Variants in MAP1S observed in about 807,000 individuals in gnomAD.
MAP1S encodes microtubule associated protein 1S, also known as microtubule-associated protein 1S.
Under a neutral mutation model 60.9 loss-of-function variants are expected in MAP1S, and 27 were observed. That is an observed-to-expected ratio of 0.44 (90% CI 0.33 to 0.61). The LOEUF (loss-of-function observed/expected upper bound fraction) is 0.61, where lower values mean the gene tolerates loss of function less well. MAP1S is among the 20% of genes least tolerant of loss of function. The probability of loss-of-function intolerance (pLI) is 0.03; values close to 1 mark genes in which losing one functional copy is unlikely to be tolerated. For missense variants in MAP1S, 1,608 were observed against 1,486.6 expected, an observed-to-expected ratio of 1.08 and a Z score of -1.34; for synonymous variants, 826 against 694.2, an observed-to-expected ratio of 1.19 and a Z score of -2.98.
chr19:17,730,974 T>C (rs1326949295), intron 5 of MAP1S, among the ~76,000 whole-genome samples: 1 of 150,236 alleles, frequency 6.7e-6, no homozygotes, highest in Non-Finnish European at 1.5e-5. Flanking sequence ...CACTGCAACC[T>C]CCGCCTCCCG....
rs934832101 is a variant in MAP1S at position 17,730,470 on chromosome 19, C to T, written c.2788+2298C>T. ...CTGGGACTACACAGGTGCATGCCATCGTGCCTGGCCAATTGTTTAATGTTT... is the reference window on the plus strand; with the variant it reads ...CTGGGACTACACAGGTGCATGCCATTGTGCCTGGCCAATTGTTTAATGTTT... On this transcript the variant is annotated intron_variant, in intron 5 of 6. Coordinates refer to ENST00000324096, the MANE Select transcript of MAP1S (RefSeq NM_018174.6). Among the ~76,000 whole-genome samples the T allele has an allele frequency of 4.8e-4, 73 of 152,112 alleles. 1 individual carries two copies. The highest frequency in any genetic ancestry group is 1.6e-3 in the African/African-American group (67 of 41,402).
chr19:17,720,354 G>A (rs1322767834), intron 1 of MAP1S: 3 of 1,527,840 alleles, frequency 2.0e-6, no homozygotes, highest in African/African-American at 1.4e-5. Context: ...GTGAGCACCT[G>A]CTATGCGCCA....
In MAP1S at chr19:17,725,076, T is replaced by C. The variant is rs144706842; in HGVS notation, c.331T>C (p.Ser111Pro). 2.4e-4 allele frequency: 389 copies of C among 1,614,140 alleles called. 1 individual carries two copies. The African/African-American group carries it at 4.1e-3, about 17-fold the overall frequency. Residue 111 changes from serine to proline, a missense_variant, in exon 4 of 7, where the codon TCT becomes CCT. Transcript: ENST00000324096. This position sits in a 1 kb window ranked among gnomAD's most constrained non-coding sequence, Gnocchi z 4.2. ...ELRNLLLDPA[S>P]HKLLVLAGPC... ...CCGGAACCTTCTGTTGGACCCTGCCTCTCACAAGCTACTGGTGTTGGCTGG... is the reference window on the plus strand; with the variant it reads ...CCGGAACCTTCTGTTGGACCCTGCCCCTCACAAGCTACTGGTGTTGGCTGG...
rs2080406192 is a variant in MAP1S, at chr19:17,725,145, G to C, written c.400G>C (p.Gly134Arg). The C allele has an allele frequency of 6.2e-7, 1 of 1,613,964 alleles. No homozygotes were observed. The highest frequency in any genetic ancestry group is 1.1e-5 in the South Asian group (1 of 91,082). The change falls in exon 4 of 7, where the codon GGC (glycine) becomes CGC (arginine). Residue 134 changes from glycine to arginine, a missense_variant. Transcript: ENST00000324096. This position sits in a 1 kb window ranked among gnomAD's most constrained non-coding sequence, Gnocchi z 4.2. ...GGGGGAGCTGCTGCTACAGACAGGG[G>C]GCTTCTCGCCTCACCACTTCCTCCA... is the stretch of plus-strand genomic sequence containing the variant. Reference protein sequence around the residue: ...ETGELLLQTGGFSPHHFLQVL... With the variant: ...ETGELLLQTGRFSPHHFLQVL...
rs1161075665 is a variant in MAP1S, at chr19:17,726,187, G to A, written c.803G>A (p.Gly268Asp). The A allele has an allele frequency of 6.2e-7, 1 of 1,612,244 alleles. No individual in the cohort carries two copies. Among genetic ancestry groups the A allele is most frequent in the South Asian group, 1.1e-5 (1 of 90,678 alleles). ...VNGFTVLVNG[G>D]SNPKSSFWKL... ...GGCTTCACTGTGCTGGTCAACGGTG[G>A]CTCAAACCCCAAGTCCAGTTTCTGG... Residue 268 changes from glycine (G) to aspartate (D), a missense_variant, in exon 5 of 7, where the codon GGC becomes GAC. Gly to Asp is a moderately conservative substitution (Grantham distance 94). Transcript: ENST00000324096.
At chr19:17,730,681 C>G (rs1002537594) in intron 5 of MAP1S, among the ~76,000 whole-genome samples, 13 of 152,156 alleles carry the variant, frequency 8.5e-5, no homozygotes, top group Non-Finnish European at 1.6e-4. Context: ...TTAAATCATT[C>G]TGGACATTAA....
rs1177250056 is a variant in MAP1S, at chr19:17,727,999, G to A, written c.2615G>A (p.Arg872His). ...AAGCCCCTGGCCCGCCCCAACTCAC[G>A]CGCTGCCGCCCCCAAAGCCACTCCA... ...TRKPLARPNS[R>H]AAAPKATPVA... Residue 872 changes from arginine to histidine, a missense_variant, in exon 5 of 7, where the codon CGC becomes CAC. By Grantham distance (29) the Arg-to-His change is conservative (BLOSUM62 0). Coordinates refer to ENST00000324096, the MANE Select transcript of MAP1S (RefSeq NM_018174.6). The surrounding 1 kb of genome is among the most constrained non-coding windows in gnomAD (Gnocchi z 4.1). 3.7e-6 allele frequency: 6 copies of A among 1,610,918 alleles called. No homozygotes were observed. The African/African-American group carries it at 4.0e-5, about 11-fold the overall frequency.
Position 17,727,825 on chromosome 19 carries a change from A to C in MAP1S, c.2441A>C (p.Glu814Ala). ...GCGGCAGACTCAGACGAAGACACAG[A>C]GGGCTTTGGAGTCCCTCGCCACGAC... ...PGAADSDEDT[E>A]GFGVPRHDPL... The change falls in exon 5 of 7, where the codon GAG becomes GCG. Residue 814 changes from glutamate to alanine, a missense_variant. Transcript: ENST00000324096. This position sits in a 1 kb window ranked among gnomAD's most constrained non-coding sequence, Gnocchi z 4.1. The C allele has an allele frequency of 6.2e-7, 1 of 1,613,302 alleles. No homozygotes were observed. The highest frequency in any genetic ancestry group is 2.2e-5 in the East Asian group (1 of 44,848).
intron 6 of MAP1S, among the ~76,000 whole-genome samples, chr19:17,733,917 G>A (rs969138359): frequency 2.0e-5 from 3 of 152,230 alleles, no homozygotes; most frequent in East Asian, 1.9e-4. Flanking sequence ...TCCCTGTAGG[G>A]TGCACGACCC....
chr19:17,721,111 G>A (rs2080367094), intron 2 of MAP1S, 74 bp downstream of exon 2: 10 of 1,169,332 alleles, frequency 8.6e-6, no homozygotes, highest in Non-Finnish European at 1.3e-5. Flanking sequence ...GCCAGGCATG[G>A]GGGGTGGGAT....
rs757445237 is a variant in MAP1S, at chr19:17,725,932, C to G, written c.548C>G (p.Pro183Arg). The G allele has an allele frequency of 1.2e-6, 2 of 1,613,730 alleles. No homozygotes were observed. The highest frequency in any genetic ancestry group is 8.5e-7 in the Non-Finnish European group (1 of 1,179,934). The change falls in exon 5 of 7, where the codon CCT becomes CGT. Residue 183 changes from proline to arginine, a missense_variant. Transcript: ENST00000324096. The surrounding 1 kb of genome is among the most constrained non-coding windows in gnomAD (Gnocchi z 4.2). ...GDWAQLAPAV[P>R]GLQGALRLQL... The stretch of plus-strand genomic sequence containing the variant: ...TGGGCTCAGCTGGCACCCGCTGTGC[C>G]TGGCCTTCAGGGGGCGCTCCGGCTC...
chr19:17,729,385 G>T (rs2080473130), intron 5 of MAP1S, among the ~76,000 whole-genome samples: 1 of 152,212 alleles, frequency 6.6e-6, no homozygotes, highest in African/African-American at 2.4e-5. Flanking sequence ...GGCACAGGGA[G>T]CCCCTCTCAG....
chr19:17,720,629 A>T (rs1263689221), intron 1 of MAP1S: 2 of 962,242 alleles, frequency 2.1e-6, no homozygotes, highest in Middle Eastern at 3.3e-4. Flanking sequence ...AGGCAGGGGA[A>T]ACAGCTGTTG....
chr19:17,723,484 G>A (rs1349360561), intron 2 of MAP1S, among the ~76,000 whole-genome samples: 4 of 150,106 alleles, frequency 2.7e-5, no homozygotes, highest in African/African-American at 9.8e-5. Flanking sequence ...GGAGGCGGAG[G>A]TTGCAGTGAG....
intron 2 of MAP1S, among the ~76,000 whole-genome samples, chr19:17,722,439 G>A (rs988734671): frequency 8.5e-5 from 13 of 152,306 alleles, no homozygotes; most frequent in Middle Eastern, 3.4e-3. Flanking sequence ...GCAACAGAGC[G>A]AGACCCTGTC....
At position 17,721,021 on chromosome 19, in the gene MAP1S, C is replaced by T; in HGVS notation, c.204C>T (p.Phe68=). The T allele has an allele frequency of 6.2e-7, 1 of 1,613,988 alleles. No homozygotes were observed. Residue 68 remains phenylalanine (F), a synonymous_variant, in exon 2 of 7, where the codon TTC becomes TTT. Coordinates refer to ENST00000324096, the MANE Select transcript of MAP1S (RefSeq NM_018174.6). ...TTGTGTCCCGACACTCTGCCACCTT[C>T]TCCAGCATTGTGAAAGGTGAGGCTG... ...KVFVSRHSAT[F]SSIVKGQRSL...
chr19:17,731,810 C>T (rs554900351), intron 5 of MAP1S, among the ~76,000 whole-genome samples: 4 of 152,286 alleles, frequency 2.6e-5, no homozygotes, highest in South Asian at 4.1e-4. Context: ...GGATTACAGG[C>T]ACCTGCCACC....
intron 5 of MAP1S, among the ~76,000 whole-genome samples, chr19:17,728,546 G>C (rs1180785558): frequency 6.6e-6 from 1 of 151,758 alleles, no homozygotes; most frequent in Non-Finnish European, 1.5e-5. Flanking sequence ...ACGGTGCCCT[G>C]CCAGTTCTGT....
chr19:17,723,021 C>G (rs372326118), intron 2 of MAP1S, among the ~76,000 whole-genome samples: 3 of 152,102 alleles, frequency 2.0e-5, no homozygotes, highest in African/African-American at 7.2e-5. Flanking sequence ...CCGGCCCCCA[C>G]CCCGGCTCTG....
Sources: gnomAD v4.1 joint callset for allele counts (sites outside exome capture counted in the v4.1 genomes callset) on GRCh38, gnomAD v4.1.1 for gene constraint, Gnocchi (gnomAD v3.1) non-coding constraint, MANE v1.5 for transcripts, NCBI Gene and HGNC (gene_info 2026-07-23, HGNC 2026-07-21) for gene names.